The following SGMS2 variants were observed in gnomAD, a reference collection of about 807,000 sequenced individuals.
SGMS2 encodes the protein phosphatidylcholine:ceramide cholinephosphotransferase 2.
In SGMS2, 21 loss-of-function variants were observed where a neutral mutation model predicts 43.8. The ratio of observed to expected loss-of-function variants is 0.48; its 90% CI spans 0.34 to 0.69. The LOEUF (loss-of-function observed/expected upper bound fraction) is 0.69, where lower values mean the gene tolerates loss of function less well. Among genes scored for constraint, SGMS2 ranks in the 30% least tolerant of loss-of-function variants. SGMS2 has a pLI of 0.01. For missense variants in SGMS2, 384 were observed against 443.2 expected, an observed-to-expected ratio of 0.87 and a Z score of 1.20; for synonymous variants, 167 against 160.6, an observed-to-expected ratio of 1.04 and a Z score of -0.30.
chr4:107,860,506 G>A (rs1727664669), intron 2 of SGMS2, among the ~76,000 whole-genome samples: 1 of 151,214 alleles, frequency 6.6e-6, no homozygotes, highest in South Asian at 2.1e-4. Flanking sequence ...TCATTAAATT[G>A]CATCTCTGAG....
chr4:107,876,988 T>C (rs1728957289), intron 2 of SGMS2, among the ~76,000 whole-genome samples: 1 of 152,176 alleles, frequency 6.6e-6, no homozygotes, highest in Non-Finnish European at 1.5e-5. Context: ...ATATAAGTCT[T>C]AAATATCTTA....
intron 2 of SGMS2, among the ~76,000 whole-genome samples, chr4:107,863,220 G>A (rs1727867462): frequency 6.6e-6 from 1 of 152,140 alleles, no homozygotes; most frequent in Non-Finnish European, 1.5e-5. Context: ...ATGGTTCCAG[G>A]AGCCTGGACT....
At chr4:107,909,546 T>A (rs1234717910) in intron 6 of SGMS2, among the ~76,000 whole-genome samples, 1 of 152,234 alleles carries the variant, frequency 6.6e-6, no homozygotes, top group Non-Finnish European at 1.5e-5. Flanking sequence ...CTTCCTTGTT[T>A]CCAGATGCCT....
intron 2 of SGMS2, among the ~76,000 whole-genome samples, chr4:107,862,308 TTA>T (rs1299507785): frequency 5.9e-5 from 9 of 152,152 alleles, no homozygotes; most frequent in Non-Finnish European, 1.2e-4. Flanking sequence ...TAAGGTGACT[TTA>T]GGCCAGCTTT....
At chr4:107,881,638 T>C (rs929687662) in intron 2 of SGMS2, among the ~76,000 whole-genome samples, 1 of 152,168 alleles carries the variant, frequency 6.6e-6, no homozygotes, top group African/African-American at 2.4e-5. Context: ...TTAGTGATTT[T>C]TAAATGTACA....
intron 1 of SGMS2, 95 bp from the exon 2 acceptor site, chr4:107,858,377 G>C (rs1727543878): frequency 6.6e-6 from 1 of 152,292 alleles, no homozygotes; most frequent in Admixed American, 6.5e-5. Flanking sequence ...GGTAGCATCA[G>C]AGGGCTCTTC....
chr4:107,887,672 C>A (rs997237316), intron 2 of SGMS2, among the ~76,000 whole-genome samples: 8 of 152,252 alleles, frequency 5.3e-5, no homozygotes, highest in African/African-American at 1.4e-4. Flanking sequence ...GTTTAAAACA[C>A]TTGATATCAC....
At position 107,869,766 on chromosome 4, in the gene SGMS2, AG is replaced by A. The variant is rs1298588489; in HGVS notation, c.-245+11214del. ...GAGTAGAGGACAGATTAAAAAAAAA[AG>A]ATTTCCTGTGATAATTGTTATGGCT... is the stretch of plus-strand genomic sequence containing the variant. On this transcript the variant is annotated intron_variant, in intron 2 of 6. Coordinates refer to ENST00000690982, the MANE Select transcript of SGMS2 (RefSeq NM_001375905.1). 2.6e-5 allele frequency among the ~76,000 whole-genome samples: 4 copies of A among 152,260 alleles called. No homozygotes were observed. In the East Asian group the frequency reaches 7.7e-4, roughly 29 times the overall value.
intron 2 of SGMS2, among the ~76,000 whole-genome samples, chr4:107,890,802 C>T (rs144363848): frequency 2.0e-3 from 303 of 152,094 alleles, no homozygotes; most frequent in African/African-American, 7.0e-3. Context: ...ATTAAGCTGA[C>T]TTTAACCATT....
intron 2 of SGMS2, among the ~76,000 whole-genome samples, chr4:107,880,347 A>G (rs1318569605): frequency 2.0e-5 from 3 of 152,214 alleles, no homozygotes; most frequent in Admixed American, 6.5e-5. Flanking sequence ...TTGTTGGGAA[A>G]GTATTTCAGA....
intron 2 of SGMS2, among the ~76,000 whole-genome samples, chr4:107,879,596 G>A (rs538031072): frequency 3.2e-4 from 48 of 152,002 alleles, no homozygotes; most frequent in African/African-American, 1.1e-3. Flanking sequence ...CGAGTACCTG[G>A]GATTACAGGC....
At chr4:107,881,382 G>T (rs1203844132) in intron 2 of SGMS2, among the ~76,000 whole-genome samples, 1 of 152,152 alleles carries the variant, frequency 6.6e-6, no homozygotes, top group East Asian at 1.9e-4. Flanking sequence ...GGCTCCTGAG[G>T]TCAGATTCCT....
chr4:107,852,985 G>A (rs1442789901), intron 1 of SGMS2, among the ~76,000 whole-genome samples: 2 of 152,130 alleles, frequency 1.3e-5, no homozygotes, highest in Non-Finnish European at 2.9e-5. Flanking sequence ...CACTTTAAAT[G>A]TTAAAGTATA....
intron 2 of SGMS2, among the ~76,000 whole-genome samples, chr4:107,894,890 AC>A (rs1730536342): frequency 1.3e-5 from 2 of 152,188 alleles, no homozygotes; most frequent in African/African-American, 4.8e-5. Context: ...TAAGCCTCTT[AC>A]CAGTTTTTTA....
intron 2 of SGMS2, chr4:107,866,853 A>G (rs936988121): frequency 1.3e-5 from 2 of 152,178 alleles, no homozygotes; most frequent in Admixed American, 6.5e-5. Flanking sequence ...AGAAATCTGT[A>G]AAGTAATGGT....
intron 2 of SGMS2, among the ~76,000 whole-genome samples, chr4:107,860,807 G>A (rs988313246): frequency 1.3e-5 from 2 of 152,162 alleles, no homozygotes; most frequent in East Asian, 3.9e-4. Flanking sequence ...TTACAGGCAT[G>A]AGCCACTGCA....
intron 2 of SGMS2, among the ~76,000 whole-genome samples, chr4:107,889,397 A>T (rs1429492233): frequency 6.6e-6 from 1 of 152,210 alleles, no homozygotes; most frequent in Non-Finnish European, 1.5e-5. Context: ...AATTCTTAAG[A>T]CATTTCTAAT....
At chr4:107,838,961 T>G (rs1428382862) in intron 1 of SGMS2, among the ~76,000 whole-genome samples, 1 of 152,146 alleles carries the variant, frequency 6.6e-6, no homozygotes, top group Non-Finnish European at 1.5e-5. Flanking sequence ...CATCACTCCC[T>G]CTCCTCTCTG....
intron 1 of SGMS2, among the ~76,000 whole-genome samples, chr4:107,846,166 G>T (rs139557028): frequency 0.04 from 6,058 of 151,088 alleles, 418 homozygotes; most frequent in African/African-American, 0.14. Flanking sequence ...CAATGTGCAG[G>T]TTAGTTACAT....
Sources: gnomAD v4.1 joint callset for allele counts (sites outside exome capture counted in the v4.1 genomes callset) on GRCh38, gnomAD v4.1.1 for gene constraint, MANE v1.5 for transcripts, NCBI Gene and HGNC (gene_info 2026-07-23, HGNC 2026-07-21) for gene names.